ZBTB44: variants seen among roughly 807,000 people sequenced by gnomAD.
The protein encoded by ZBTB44 is zinc finger and BTB domain containing 44, also known as zinc finger and BTB domain-containing protein 44.
A neutral mutation model predicts 54.0 loss-of-function variants in ZBTB44; 15 were observed. The observed-to-expected ratio is 0.28, with a 90% confidence interval of 0.19 to 0.43. The LOEUF (loss-of-function observed/expected upper bound fraction) is 0.43, where lower values mean the gene tolerates loss of function less well. ZBTB44 is among the 20% of genes least tolerant of loss of function. The pLI is 1.00. For synonymous variants in ZBTB44, 230 were observed against 250.1 expected, an observed-to-expected ratio of 0.92 and a Z score of 0.76; for missense variants, 487 against 707.1, an observed-to-expected ratio of 0.69 and a Z score of 3.53.
At chr11:130,268,428 T>C (rs2134174818) in intron 1 of ZBTB44, among the ~76,000 whole-genome samples, 1 of 152,214 alleles carries the variant, frequency 6.6e-6, no homozygotes, top group African/African-American at 2.4e-5. Flanking sequence ...AGATAATTGC[T>C]AGAATTTTTT....
At chr11:130,309,790 G>A (rs1276924598) in intron 1 of ZBTB44, among the ~76,000 whole-genome samples, 1 of 151,782 alleles carries the variant, frequency 6.6e-6, no homozygotes, top group Non-Finnish European at 1.5e-5. Flanking sequence ...TACTAGGGAG[G>A]CTGAGGCAGG....
At chr11:130,297,827 A>T (rs187432124) in intron 1 of ZBTB44, among the ~76,000 whole-genome samples, 2 of 152,376 alleles carry the variant, frequency 1.3e-5, no homozygotes, top group East Asian at 3.9e-4. Flanking sequence ...ACGGCACCCT[A>T]GCAAACTAAT....
chr11:130,279,805 C>T (rs1262580338), intron 1 of ZBTB44, among the ~76,000 whole-genome samples: 1 of 152,196 alleles, frequency 6.6e-6, no homozygotes, highest in African/African-American at 2.4e-5. Flanking sequence ...CCCACAACTA[C>T]CACCATTTTT....
Position 130,238,611 on chromosome 11 carries a change from A to G in ZBTB44, c.1104-4T>C, listed in dbSNP as rs779449420. 2 of 1,608,744 alleles carry G rather than the reference A, an allele frequency of 1.2e-6. No individual in the cohort carries two copies. The highest frequency in any genetic ancestry group is 2.2e-5 in the East Asian group (1 of 44,794). On this transcript the variant is annotated splice_polypyrimidine_tract_variant and splice_region_variant and intron_variant, in intron 3 of 7. Transcript: ENST00000357899. Reference sequence around the variant, plus strand: ...GGGATACTGAACATTTTCCAATCTAAAAAAAACAGACCAAAGAAGGCAACC... The same window carrying G: ...GGGATACTGAACATTTTCCAATCTAGAAAAAACAGACCAAAGAAGGCAACC...
intron 1 of ZBTB44, among the ~76,000 whole-genome samples, chr11:130,262,462 T>C (rs546479354): frequency 6.6e-6 from 1 of 152,306 alleles, no homozygotes; most frequent in South Asian, 2.1e-4. Flanking sequence ...TTTAATGAGC[T>C]GCAGGGCTGC....
intron 2 of ZBTB44, among the ~76,000 whole-genome samples, chr11:130,245,075 G>C (rs78459703): frequency 0.064 from 9,756 of 152,012 alleles, 748 homozygotes; most frequent in African/African-American, 0.18. Flanking sequence ...CTAATACTTG[G>C]GTATACTCTG....
At chr11:130,302,979 C>T (rs1942066818) in intron 1 of ZBTB44, among the ~76,000 whole-genome samples, 1 of 152,106 alleles carries the variant, frequency 6.6e-6, no homozygotes, top group African/African-American at 2.4e-5. Flanking sequence ...CCATCACACA[C>T]ACCCACACAT....
chr11:130,293,555 G>A (rs1327669152), intron 1 of ZBTB44, among the ~76,000 whole-genome samples: 1 of 150,696 alleles, frequency 6.6e-6, no homozygotes, highest in East Asian at 1.9e-4. Context: ...CAAGGTAGGT[G>A]GATCACCTGA....
intron 1 of ZBTB44, among the ~76,000 whole-genome samples, chr11:130,279,195 A>G (rs1940329740): frequency 6.6e-6 from 1 of 151,816 alleles, no homozygotes; most frequent in Non-Finnish European, 1.5e-5. Flanking sequence ...TTGGATGTTG[A>G]TCCACAGAGA....
chr11:130,314,242 G>A, intron 1 of ZBTB44, 133 bp downstream of exon 1: 1 of 152,422 alleles, frequency 6.6e-6, no homozygotes, highest in Non-Finnish European at 1.5e-5. Flanking sequence ...GGTGTCTCCC[G>A]GCGCGGACTA....
intron 1 of ZBTB44, among the ~76,000 whole-genome samples, chr11:130,267,839 G>A (rs113682872): frequency 0.064 from 9,497 of 148,614 alleles, 737 homozygotes; most frequent in African/African-American, 0.19. Flanking sequence ...TGGGAGGCCA[G>A]GGCAGGTGGA....
At chr11:130,285,608 G>T in intron 1 of ZBTB44, 1 of 240,668 alleles carries the variant, frequency 4.2e-6, no homozygotes, top group South Asian at 6.5e-5. Flanking sequence ...TTGTTCTTCT[G>T]ATCTAAGCTT....
chr11:130,236,647 G>T, intron 5 of ZBTB44, 146 bp downstream of exon 5: 1 of 806,058 alleles, frequency 1.2e-6, no homozygotes, highest in Non-Finnish European at 1.7e-6. Flanking sequence ...CAGATCAGGA[G>T]ATTAGAGTAT....
At position 130,231,035 on chromosome 11, in the gene ZBTB44, C is replaced by G. The variant is rs1237057628; in HGVS notation, c.*729G>C. 6.6e-6 allele frequency: 1 copy of G among 152,108 alleles called. No individual in the cohort carries two copies. Among genetic ancestry groups the G allele is most frequent in the Non-Finnish European group, 1.5e-5 (1 of 67,962 alleles). The allele number at this position is 152,108 out of a possible 1,614,324, so 9.4% of individuals were successfully genotyped here. A position where few individuals can be genotyped will look rare whatever the true frequency, so the allele number is the denominator to read the frequency against. On this transcript the variant is annotated 3_prime_UTR_variant, in exon 8 of 8. Transcript: ENST00000357899. ...ACCCTCCTGGCCTTAAGAAAGATAG[C>G]TACGTTTAAGCACTCTAAACTGGAA...
At chr11:130,239,551 G>T in intron 3 of ZBTB44, 1 of 272,920 alleles carries the variant, frequency 3.7e-6, no homozygotes, top group Non-Finnish European at 7.1e-6. Flanking sequence ...GCTGGAATTG[G>T]CCTGTGGTTC....
intron 1 of ZBTB44, among the ~76,000 whole-genome samples, chr11:130,284,353 A>T (rs1009733348): frequency 6.6e-6 from 1 of 152,242 alleles, no homozygotes; most frequent in Non-Finnish European, 1.5e-5. Context: ...AGTAACTAAT[A>T]ATCACAAACA....
chr11:130,231,296 G>T lies in ZBTB44; in HGVS notation c.*468C>A, dbSNP rs1953866312. 1 of 151,970 alleles carries T rather than the reference G, an allele frequency of 6.6e-6. No homozygotes were observed. Among genetic ancestry groups the T allele is most frequent in the Admixed American group, 6.6e-5 (1 of 15,244 alleles). The allele number at this position is 151,970 out of a possible 1,614,324, so 9.4% of individuals were successfully genotyped here. A position where few individuals can be genotyped will look rare whatever the true frequency, so the allele number is the denominator to read the frequency against. ...AAAGTACATATATATCAAGAAAAAT[G>T]TACCCTCACTGAAATAGAAAAAGGC... On this transcript the variant is annotated 3_prime_UTR_variant, in exon 8 of 8. Coordinates refer to ENST00000357899, the MANE Select transcript of ZBTB44 (RefSeq NM_001301098.2).
At chr11:130,274,733 A>T (rs1176047338) in intron 1 of ZBTB44, among the ~76,000 whole-genome samples, 3 of 152,156 alleles carry the variant, frequency 2.0e-5, no homozygotes, top group Non-Finnish European at 4.4e-5. Flanking sequence ...TTTGTTTTTT[A>T]AAAAAATATG....
intron 1 of ZBTB44, among the ~76,000 whole-genome samples, chr11:130,308,660 G>A (rs114738180): frequency 0.014 from 2,111 of 152,314 alleles, 38 homozygotes; most frequent in African/African-American, 0.04. Flanking sequence ...TACACAACAG[G>A]TTCTAGCTGC....
Sources: allele counts gnomAD v4.1 joint callset (sites outside exome capture counted in the v4.1 genomes callset), GRCh38; gene constraint gnomAD v4.1.1; transcripts MANE v1.5; gene names NCBI Gene and HGNC (gene_info 2026-07-23, HGNC 2026-07-21).